HEPH: variants seen among roughly 807,000 people sequenced by gnomAD.
The protein encoded by HEPH is hephaestin.
Under a neutral mutation model 80.8 loss-of-function variants are expected in HEPH, and 69 were observed. The observed-to-expected ratio is 0.85, with a 90% CI of 0.70 to 1.04. The LOEUF (loss-of-function observed/expected upper bound fraction) is 1.04. HEPH is among the 50% of genes least tolerant of loss of function. HEPH has a pLI of 0.00. For synonymous variants in HEPH, 431 were observed against 322.8 expected (o/e 1.34, Z -3.60); for missense variants, 1,115 against 891.3 (o/e 1.25, Z -3.20).
chrX:66,255,235 C>A (rs1244164359), intron 16 of HEPH, 94 bp downstream of exon 16: 4 of 485,129 alleles, frequency 8.2e-6, no homozygotes, highest in South Asian at 5.0e-5. Context: ...TCCTGAGATT[C>A]TAGAGCCTAG....
chrX:66,205,601 T>A (rs888068428), intron 13 of HEPH, among the ~76,000 whole-genome samples: 6 of 86,796 alleles, frequency 6.9e-5, no homozygotes, highest in African/African-American at 3.2e-4. Flanking sequence ...TTTTTCATGC[T>A]TTTTTTTTTT....
intron 15 of HEPH, among the ~76,000 whole-genome samples, chrX:66,225,009 T>A (rs770968081): frequency 9.2e-6 from 1 of 109,198 alleles, no homozygotes; most frequent in Non-Finnish European, 1.9e-5. Context: ...GTGGTGGGGG[T>A]TGGTGGTGGA....
chrX:66,220,109 G>A (rs1348586870), intron 15 of HEPH, among the ~76,000 whole-genome samples: 3 of 111,005 alleles, frequency 2.7e-5, no homozygotes, highest in Non-Finnish European at 5.7e-5. Flanking sequence ...TGATTCTTTT[G>A]AGCCAGGAAT....
chrX:66,249,334 G>A (rs780091638), intron 15 of HEPH, among the ~76,000 whole-genome samples: 2 of 112,082 alleles, frequency 1.8e-5, no homozygotes, highest in East Asian at 2.8e-4. Context: ...GGAATTAATA[G>A]TAATATCTGT....
intron 15 of HEPH, among the ~76,000 whole-genome samples, chrX:66,237,140 G>T (rs760196165): frequency 9.7e-6 from 1 of 102,602 alleles, no homozygotes; most frequent in Non-Finnish European, 1.9e-5. Flanking sequence ...GTTCAGCTCT[G>T]ATTTTTTTTT....
intron 1 of HEPH, among the ~76,000 whole-genome samples, chrX:66,165,823 C>CT (rs2086333394): frequency 9.0e-6 from 1 of 110,941 alleles, no homozygotes; most frequent in African/African-American, 3.3e-5. Context: ...GTATTTTTTA[C>CT]TTTTTTCCAG....
chrX:66,198,845 T>C (rs2088257281), intron 10 of HEPH, 33 bp from the exon 11 acceptor site: 1 of 1,095,099 alleles, frequency 9.1e-7, no homozygotes, highest in Non-Finnish European at 1.3e-6. Context: ...CTATTGTCAT[T>C]ATTCCCTCTA....
chrX:66,225,867 C>A (rs914024221), intron 15 of HEPH, among the ~76,000 whole-genome samples: 3 of 112,486 alleles, frequency 2.7e-5, no homozygotes, highest in African/African-American at 9.7e-5. Flanking sequence ...CAGATAAAAC[C>A]CCTCAGACAC....
chrX:66,207,109 G>A, intron 13 of HEPH, 86 bp from the exon 14 acceptor site: 1 of 924,489 alleles, frequency 1.1e-6, no homozygotes. Context: ...CATGAAGCTG[G>A]TTCTGACTTA....
intron 13 of HEPH, among the ~76,000 whole-genome samples, chrX:66,205,742 C>A (rs1296588335): frequency 9.1e-6 from 1 of 110,296 alleles, no homozygotes; most frequent in Admixed American, 9.7e-5. Context: ...ACTACAGGTG[C>A]ACGCTGCCAC....
At chrX:66,210,925 G>A (rs781533236) in intron 15 of HEPH, among the ~76,000 whole-genome samples, 51 of 111,184 alleles carry the variant, frequency 4.6e-4, no homozygotes, top group Non-Finnish European at 8.1e-4. Flanking sequence ...AGAGTGGGGA[G>A]ATGTTGACTT....
intron 19 of HEPH, among the ~76,000 whole-genome samples, chrX:66,262,233 G>A (rs189256221): frequency 4.4e-4 from 49 of 112,292 alleles, no homozygotes; most frequent in African/African-American, 1.6e-3. Flanking sequence ...TTCTGATAAG[G>A]CAGCAGGGAA....
chrX:66,236,059 A>G (rs2090349004), intron 15 of HEPH, among the ~76,000 whole-genome samples: 1 of 111,765 alleles, frequency 8.9e-6, no homozygotes, highest in Non-Finnish European at 1.9e-5. Context: ...GCACACAGGG[A>G]TAGTTTGACT....
chrX:66,186,479 T>C (rs1011697685), intron 4 of HEPH, among the ~76,000 whole-genome samples: 15 of 112,400 alleles, frequency 1.3e-4, no homozygotes, highest in Non-Finnish European at 2.8e-4. Flanking sequence ...GGTGCGTCCA[T>C]CACCCCTTTC....
downstream of HEPH, chrX:66,268,056 T>A (rs2091580098): frequency 1.8e-5 from 2 of 112,275 alleles, no homozygotes; most frequent in African/African-American, 6.5e-5. Flanking sequence ...AGTAATGTTA[T>A]CCATTTATAC....
rs1176843778 is a variant in HEPH at position 66,203,591 on chromosome X, A to G, written c.2291+14A>G. 1 of 1,186,912 alleles carries G rather than the reference A, an allele frequency of 8.4e-7. No individual in the cohort carries two copies. The highest frequency in any genetic ancestry group is 1.7e-5 in the African/African-American group (1 of 57,293). On this transcript the variant is annotated intron_variant, in intron 13 of 20. Transcript: ENST00000343002. ...TGAGAAGGACAGGTAAGGCTTCATA[A>G]ATGGAGAGATTACACTTTTAGAAAA...
chrX:66,176,832 A>G (rs1437760940), intron 4 of HEPH, among the ~76,000 whole-genome samples: 1 of 111,827 alleles, frequency 8.9e-6, no homozygotes, highest in Non-Finnish European at 1.9e-5. Context: ...ACATGAACTC[A>G]TCATTTTTTA....
chrX:66,187,501 A>T (rs1202500311), intron 4 of HEPH, among the ~76,000 whole-genome samples: 1 of 111,383 alleles, frequency 9.0e-6, no homozygotes, highest in Non-Finnish European at 1.9e-5. Context: ...GCTGAGCTGC[A>T]GTGATTGTTA....
rs917077808 is a variant in HEPH at position 66,267,207 on chromosome X, T to C, written c.*535T>C. 2 of 114,678 alleles carry C rather than the reference T, an allele frequency of 1.7e-5. No homozygotes were observed. Among genetic ancestry groups the C allele is most frequent in the Admixed American group, 8.9e-5 (1 of 11,239 alleles). The allele number at this position is 114,678 out of a possible 1,213,427, so 9.5% of individuals were successfully genotyped here. A position where few individuals can be genotyped will look rare whatever the true frequency, so the allele number is the denominator to read the frequency against. On this transcript the variant is annotated 3_prime_UTR_variant, in exon 21 of 21. Transcript: ENST00000343002. ...TTGATTCTCCTTGGCAGTGAACTAC[T>C]TTGAAGAAGTGGTCAATGGGTTGTT...
Sources: allele counts gnomAD v4.1 joint callset (sites outside exome capture counted in the v4.1 genomes callset), GRCh38; gene constraint gnomAD v4.1.1; transcripts MANE v1.5; gene names NCBI Gene and HGNC (gene_info 2026-07-23, HGNC 2026-07-21).